Variants in SEMA4B observed in about 807,000 individuals in gnomAD.
The protein encoded by SEMA4B is semaphorin 4B.
SEMA4B carries 55 observed loss-of-function variants against 88.1 expected under a neutral mutation model. The ratio of observed to expected loss-of-function variants is 0.62; its 90% CI spans 0.50 to 0.78. SEMA4B has a LOEUF of 0.78. SEMA4B is among the 30% of genes least tolerant of loss of function. The pLI is 0.00. For missense variants in SEMA4B, 1,062 were observed against 1,111.9 expected (o/e 0.96, Z 0.64); for synonymous variants, 525 against 473.6 (o/e 1.11, Z -1.41).
chr15:90,186,686 C>T (rs1960175582), intron 1 of SEMA4B, among the ~76,000 whole-genome samples: 1 of 152,002 alleles, frequency 6.6e-6, no homozygotes, highest in Admixed American at 6.6e-5. Context: ...GCCTGTAATC[C>T]CAGCACTTTG....
chr15:90,207,817 G>A (rs1405466689), intron 1 of SEMA4B, among the ~76,000 whole-genome samples: 1 of 152,238 alleles, frequency 6.6e-6, no homozygotes, highest in Non-Finnish European at 1.5e-5. Flanking sequence ...CATGGCCATA[G>A]TTGGGAAGAG....
At chr15:90,198,093 A>AT (rs947915235), upstream of SEMA4B, among the ~76,000 whole-genome samples, 9 of 150,076 alleles carry the variant, frequency 6.0e-5, no homozygotes, top group East Asian at 7.8e-4. Context: ...TGCCCGGCTA[A>AT]TTTTTTTTTG....
chr15:90,192,835 C>T (rs1160763713), intron 1 of SEMA4B, among the ~76,000 whole-genome samples: 2 of 152,162 alleles, frequency 1.3e-5, no homozygotes, highest in African/African-American at 2.4e-5. Context: ...GTGATCCTCC[C>T]GCCTTGGCCT....
chr15:90,186,294 G>A (rs1399125009), intron 1 of SEMA4B, among the ~76,000 whole-genome samples: 1 of 152,006 alleles, frequency 6.6e-6, no homozygotes, highest in Non-Finnish European at 1.5e-5. Context: ...CTTGCACCTG[G>A]GGCTCAAACT....
intron 1 of SEMA4B, among the ~76,000 whole-genome samples, chr15:90,188,354 G>A (rs946218525): frequency 2.0e-5 from 3 of 151,324 alleles, no homozygotes; most frequent in Non-Finnish European, 2.9e-5. Context: ...GTAGCCAGGC[G>A]AGGTGGCTTA....
In SEMA4B at chr15:90,201,380, G is replaced by C. The variant is rs1960711641; in HGVS notation, c.-199G>C. ...CGAGGCTGCGGGGCCGGCGCCGGCG[G>C]GAGGACTGCGGTGCCCCGCGGAGGG... On this transcript the variant is annotated 5_prime_UTR_variant, in exon 1 of 14. Transcript: ENST00000411539. 1 of 1,256,330 alleles carries C rather than the reference G, an allele frequency of 8.0e-7. No homozygotes were observed. Among genetic ancestry groups the C allele is most frequent in the Non-Finnish European group, 1.0e-6 (1 of 1,001,386 alleles). The allele number at this position is 1,256,330 out of a possible 1,614,324, so 77.8% of individuals were successfully genotyped here. A position where few individuals can be genotyped will look rare whatever the true frequency, so the allele number is the denominator to read the frequency against.
At chr15:90,221,920 T>A (rs1468112066) in intron 7 of SEMA4B, among the ~76,000 whole-genome samples, 155 bp downstream of exon 7, 1 of 143,502 alleles carries the variant, frequency 7.0e-6, no homozygotes, top group Non-Finnish European at 1.5e-5. Context: ...TTAAAATATC[T>A]TACTACTTTT....
At chr15:90,225,553 G>T in intron 11 of SEMA4B, 108 bp from the exon 12 acceptor site, 1 of 1,361,348 alleles carries the variant, frequency 7.3e-7, no homozygotes. Flanking sequence ...CGCCTGTTAC[G>T]TAACAGGCCT....
chr15:90,222,971 T>TATATATATATATATATATATACA (rs3029968), intron 7 of SEMA4B, among the ~76,000 whole-genome samples: 1 of 123,672 alleles, frequency 8.1e-6, no homozygotes, highest in African/African-American at 3.6e-5. Flanking sequence ...TATATATACA[T>TATATATATATATATATATATACA]TTTTTTTTTT....
Position 90,223,691 on chromosome 15 carries a change from C to T in SEMA4B, c.994C>T (p.Pro332Ser), listed in dbSNP as rs1451365918. Residue 332 changes from proline (P) to serine (S), a missense_variant, in exon 8 of 14, where the codon CCC (proline) becomes TCC (serine). Coordinates refer to ENST00000411539, the MANE Select transcript of SEMA4B (RefSeq NM_198925.4). ...GGATGTCTTCACGCTGAGCCCCAGC[C>T]CCCAGGACTGGCGTGACACCCTTTT... ...LQDVFTLSPS[P>S]QDWRDTLFYG... 1 of 1,613,012 alleles carries T rather than the reference C, an allele frequency of 6.2e-7. No homozygotes were observed. The highest frequency in any genetic ancestry group is 2.2e-5 in the East Asian group (1 of 44,876).
In SEMA4B at chr15:90,212,715, T is replaced by C. The variant is rs573015079; in HGVS notation, c.158-4724T>C. ...CCTTCACAGACGTCTGCAGTCACTC[T>C]GGAGGTGACCCAAGCACCTGGGCCC... is the stretch of plus-strand genomic sequence containing the variant. On this transcript the variant is annotated intron_variant, in intron 1 of 13. Transcript: ENST00000411539. This position sits in a 1 kb window ranked among gnomAD's most constrained non-coding sequence, Gnocchi z 4.0. Among the ~76,000 whole-genome samples the C allele has an allele frequency of 6.6e-6, 1 of 152,272 alleles. No individual in the cohort carries two copies. The highest frequency in any genetic ancestry group is 6.5e-5 in the Admixed American group (1 of 15,298).
chr15:90,195,033 A>G (rs552669377), intron 1 of SEMA4B, among the ~76,000 whole-genome samples: 6 of 151,522 alleles, frequency 4.0e-5, no homozygotes, highest in East Asian at 1.9e-4. Context: ...AATTTCCCCA[A>G]TTGCTCCATG....
chr15:90,185,031 G>C (rs1324917431), exon 1 of SEMA4B: 1 of 985,430 alleles, frequency 1.0e-6, no homozygotes, highest in Non-Finnish European at 1.2e-6. Context: ...ACTCCAGGAA[G>C]AGCGGCCCCG....
chr15:90,205,720 A>T lies in SEMA4B; in HGVS notation c.157+3985A>T, dbSNP rs549913266. The stretch of plus-strand genomic sequence containing the variant: ...TTGCTTGGTGAGGTTATTTGCATCC[A>T]TTTTTGTGCACACTGGTGGTATGCA... On this transcript the variant is annotated intron_variant, in intron 1 of 13. Coordinates refer to ENST00000411539, the MANE Select transcript of SEMA4B (RefSeq NM_198925.4). 2.6e-5 allele frequency among the ~76,000 whole-genome samples: 4 copies of T among 152,320 alleles called. No homozygotes were observed. The South Asian group carries it at 8.3e-4, about 32-fold the overall frequency.
intron 4 of SEMA4B, chr15:90,220,152 G>A: frequency 2.3e-6 from 1 of 434,396 alleles, no homozygotes; most frequent in Non-Finnish European, 4.1e-6. Flanking sequence ...AGGCCTTGCT[G>A]CCCTCTTCTG....
intron 1 of SEMA4B, 149 bp from the exon 2 acceptor site, chr15:90,217,290 A>C: frequency 1.5e-6 from 1 of 680,676 alleles, no homozygotes; most frequent in African/African-American, 1.8e-5. Context: ...TCGCCCATCA[A>C]ACCTGATCCC....
chr15:90,186,986 G>A (rs1291680250), intron 1 of SEMA4B, among the ~76,000 whole-genome samples: 1 of 152,120 alleles, frequency 6.6e-6, no homozygotes, highest in Non-Finnish European at 1.5e-5. Flanking sequence ...AATAAAGATT[G>A]GGGACATTGG....
chr15:90,207,812 C>T (rs1866606638), intron 1 of SEMA4B, among the ~76,000 whole-genome samples: 1 of 152,140 alleles, frequency 6.6e-6, no homozygotes, highest in African/African-American at 2.4e-5. Context: ...GGTTGCATGG[C>T]CATAGTTGGG....
rs1567060444 is a variant in SEMA4B at position 90,223,746 on chromosome 15, GCCTCCAGA to G, written c.1043+11_1043+18del. On this transcript the variant is annotated splice_region_variant and intron_variant, in intron 8 of 13. Coordinates refer to ENST00000411539, the MANE Select transcript of SEMA4B (RefSeq NM_198925.4). ...GGGGTCTTCACTTCCCAGTGGTAGGGCCTCCAGACCTCGCTGGAGATGGAAGGGTGAAG... is the reference window on the plus strand; with the variant it reads ...GGGGTCTTCACTTCCCAGTGGTAGGGCCTCGCTGGAGATGGAAGGGTGAAG... 6.2e-7 allele frequency: 1 copy of G among 1,604,510 alleles called. No homozygotes were observed. Among genetic ancestry groups the G allele is most frequent in the East Asian group, 2.2e-5 (1 of 44,656 alleles).
Sources: allele counts gnomAD v4.1 joint callset (sites outside exome capture counted in the v4.1 genomes callset), GRCh38; gene constraint gnomAD v4.1.1; non-coding constraint Gnocchi (gnomAD v3.1); transcripts MANE v1.5; gene names NCBI Gene and HGNC (gene_info 2026-07-23, HGNC 2026-07-21).